Variants in SLC38A8 observed in about 807,000 individuals in gnomAD.
SLC38A8 encodes amino acid transporter SLC38A8.
A neutral mutation model predicts 46.0 loss-of-function variants in SLC38A8; 65 were observed. That is an observed-to-expected ratio of 1.41 (90% CI 1.16 to 1.74). SLC38A8 has a LOEUF of 1.74. Among genes scored for constraint, SLC38A8 ranks in the 40% most tolerant of loss-of-function variants. SLC38A8 has a pLI of 0.00. For synonymous variants in SLC38A8, 447 were observed against 243.7 expected, an observed-to-expected ratio of 1.83 and a Z score of -7.77; for missense variants, 998 against 567.9, an observed-to-expected ratio of 1.76 and a Z score of -7.70.
At chr16:84,039,083 T>C (rs1597280961) in intron 2 of SLC38A8, among the ~76,000 whole-genome samples, 1 of 152,212 alleles carries the variant, frequency 6.6e-6, no homozygotes, top group East Asian at 1.9e-4. Flanking sequence ...GGTATGTCCT[T>C]GTAGAGACAG....
At chr16:84,040,629 C>T (rs2151130767) in intron 2 of SLC38A8, among the ~76,000 whole-genome samples, 1 of 152,340 alleles carries the variant, frequency 6.6e-6, no homozygotes, top group African/African-American at 2.4e-5. Context: ...TAATGGCAGG[C>T]TTCCTGACAC....
chr16:84,014,824 T>C (rs2085005746), intron 9 of SLC38A8, among the ~76,000 whole-genome samples: 1 of 152,220 alleles, frequency 6.6e-6, no homozygotes, highest in Non-Finnish European at 1.5e-5. Context: ...ACACATCAGT[T>C]GGCCTCTTTG....
intron 2 of SLC38A8, among the ~76,000 whole-genome samples, chr16:84,038,681 G>A (rs1049084343): frequency 2.0e-5 from 3 of 152,204 alleles, no homozygotes; most frequent in African/African-American, 7.2e-5. Flanking sequence ...CCCACAGGCG[G>A]AACATCGCCA....
chr16:84,026,399 G>A (rs915239870), intron 6 of SLC38A8, among the ~76,000 whole-genome samples: 4 of 152,186 alleles, frequency 2.6e-5, no homozygotes, highest in South Asian at 2.1e-4. Context: ...GCTAATTTTT[G>A]TATTTTTAGT....
chr16:84,019,505 C>T (rs1054110909), intron 7 of SLC38A8, among the ~76,000 whole-genome samples: 1 of 152,138 alleles, frequency 6.6e-6, no homozygotes, highest in African/African-American at 2.4e-5. Context: ...TCTTAAAGGC[C>T]CCACCTCTCG....
intron 9 of SLC38A8, among the ~76,000 whole-genome samples, chr16:84,016,281 T>G (rs536301644): frequency 4.6e-5 from 7 of 152,328 alleles, no homozygotes; most frequent in African/African-American, 1.7e-4. Context: ...AAGGTGAGAT[T>G]TGGGTGTGAA....
rs746436725 is a variant in SLC38A8, at chr16:84,042,038, A to G, written c.120T>C (p.Ala40=). 49 of 1,613,898 alleles carry G rather than the reference A, an allele frequency of 3.0e-5. No homozygotes were observed. The Admixed American group carries it at 8.0e-4, about 26-fold the overall frequency. Residue 40 remains alanine, a synonymous_variant, in exon 2 of 11, where the codon GCT becomes GCC. Coordinates refer to ENST00000299709, the MANE Select transcript of SLC38A8 (RefSeq NM_001080442.3). The part of the protein sequence containing the change: ...VFILMKSALG[A]GLLNFPWAFS... ...AGGCCCAGGGGAAGTTGAGCAGGCC[A>G]GCTCCCAGCGCGGACTTCATGAGGA... is the stretch of plus-strand genomic sequence containing the variant.
intron 7 of SLC38A8, among the ~76,000 whole-genome samples, chr16:84,017,785 T>A (rs547949050): frequency 6.6e-6 from 1 of 152,218 alleles, no homozygotes; most frequent in African/African-American, 2.4e-5. Context: ...ACACTGCTTC[T>A]GTCACCCCGG....
intron 10 of SLC38A8, among the ~76,000 whole-genome samples, chr16:84,012,089 T>A (rs1440176707): frequency 6.6e-6 from 1 of 151,970 alleles, no homozygotes; most frequent in Non-Finnish European, 1.5e-5. Flanking sequence ...GGGGAAAAAA[T>A]TCATTTCTGT....
Position 84,036,729 on chromosome 16 carries a change from T to C in SLC38A8, c.361A>G (p.Arg121Gly). 1 of 1,614,178 alleles carries C rather than the reference T, an allele frequency of 6.2e-7. No individual in the cohort carries two copies. Among genetic ancestry groups the C allele is most frequent in the Non-Finnish European group, 8.5e-7 (1 of 1,180,042 alleles). ...TTCTCCAGCTGGTCCCCGATCACCC[T>C]GAGGAAGGCCACGGAGATCATGAGC... Reference protein sequence around the residue: ...NLLMISVAFLRVIGDQLEKLC... With the variant: ...NLLMISVAFLGVIGDQLEKLC... Residue 121 changes from arginine to glycine, a missense_variant, in exon 3 of 11, where the codon AGG becomes GGG. Physicochemically the swap from Arg to Gly is moderately radical, Grantham distance 125. Coordinates refer to ENST00000299709, the MANE Select transcript of SLC38A8 (RefSeq NM_001080442.3).
intron 5 of SLC38A8, 46 bp downstream of exon 5, chr16:84,031,821 C>G (rs778876468): frequency 4.6e-6 from 7 of 1,532,440 alleles, no homozygotes; most frequent in Non-Finnish European, 6.3e-6. Flanking sequence ...ACTCCCCTGC[C>G]GTGCCTCCCC....
At chr16:84,041,852 C>A (rs1016256142) in intron 2 of SLC38A8, 117 bp downstream of exon 2, 2 of 915,086 alleles carry the variant, frequency 2.2e-6, no homozygotes, top group Non-Finnish European at 3.3e-6. Context: ...GAAAATAAAA[C>A]CCCGAAGCTA....
intron 6 of SLC38A8, among the ~76,000 whole-genome samples, chr16:84,026,634 G>C (rs968074814): frequency 6.6e-6 from 1 of 152,192 alleles, no homozygotes; most frequent in Admixed American, 6.5e-5. Context: ...ACAGGAAGAC[G>C]ACACAGTGGC....
At chr16:84,018,848 G>C (rs528931093) in intron 7 of SLC38A8, among the ~76,000 whole-genome samples, 1 of 152,138 alleles carries the variant, frequency 6.6e-6, no homozygotes, top group Non-Finnish European at 1.5e-5. Context: ...GAATTTCTAG[G>C]GGAGTCACTA....
chr16:84,022,187 T>C (rs916880542), intron 7 of SLC38A8, among the ~76,000 whole-genome samples: 8 of 152,296 alleles, frequency 5.3e-5, no homozygotes, highest in African/African-American at 1.9e-4. Context: ...GCCCAAGAGC[T>C]TCCTAGACTG....
In SLC38A8 at chr16:84,037,934, G is replaced by A. The variant is rs1239157612; in HGVS notation, c.190-1034C>T. On this transcript the variant is annotated intron_variant, in intron 2 of 10. Coordinates refer to ENST00000299709, the MANE Select transcript of SLC38A8 (RefSeq NM_001080442.3). ...AAGAATTCTCCTGCCTCAACCTCCCGAGTATCTGGGACTACAGGCACACAC... is the reference window on the plus strand; with the variant it reads ...AAGAATTCTCCTGCCTCAACCTCCCAAGTATCTGGGACTACAGGCACACAC... Among the ~76,000 whole-genome samples the A allele has an allele frequency of 6.7e-5, 10 of 149,978 alleles. No individual in the cohort carries two copies. The East Asian group carries it at 1.0e-3, about 15-fold the overall frequency.
intron 7 of SLC38A8, 36 bp downstream of exon 7, chr16:84,022,739 C>T (rs1430775084): frequency 4.5e-6 from 7 of 1,549,368 alleles, no homozygotes; most frequent in Non-Finnish European, 6.2e-6. Flanking sequence ...ACTGTCACTC[C>T]CCACCCTCTG....
intron 2 of SLC38A8, chr16:84,041,066 C>T (rs9927826): frequency 6.6e-6 from 1 of 152,226 alleles, no homozygotes; most frequent in Non-Finnish European, 1.5e-5. Flanking sequence ...AAAGAGCTTA[C>T]CACAAAATGC....
chr16:84,034,579 G>A (rs1333294309), intron 3 of SLC38A8, among the ~76,000 whole-genome samples: 2 of 152,172 alleles, frequency 1.3e-5, no homozygotes, highest in African/African-American at 2.4e-5. Context: ...GTGGGTTGTT[G>A]GCCCTGAGGT....
Sources: allele counts gnomAD v4.1 joint callset (sites outside exome capture counted in the v4.1 genomes callset), GRCh38; gene constraint gnomAD v4.1.1; transcripts MANE v1.5; gene names NCBI Gene and HGNC (gene_info 2026-07-23, HGNC 2026-07-21).